RELCH: variants seen among roughly 807,000 people sequenced by gnomAD.
The protein encoded by RELCH is RAB11 binding and LisH domain, coiled-coil and HEAT repeat containing, also known as RAB11-binding protein RELCH.
RELCH carries 41 observed loss-of-function variants against 150.3 expected under a neutral mutation model. The ratio of observed to expected loss-of-function variants is 0.27; its 90% confidence interval spans 0.21 to 0.35. RELCH has a LOEUF of 0.35. Among genes scored for constraint, RELCH ranks in the 10% least tolerant of loss-of-function variants. The pLI, the probability that RELCH is intolerant of heterozygous loss-of-function variation, is 1.00. For missense variants in RELCH, 1,092 were observed against 1,467.8 expected, an observed-to-expected ratio of 0.74 and a Z score of 4.18; for synonymous variants, 478 against 531.8, an observed-to-expected ratio of 0.90 and a Z score of 1.39.
chr18:62,306,855 C>A lies in RELCH; in HGVS notation c.*1321C>A, dbSNP rs2045894304. 6.6e-6 allele frequency: 1 copy of A among 152,634 alleles called. No homozygotes were observed. The highest frequency in any genetic ancestry group is 2.4e-5 in the African/African-American group (1 of 41,448). The allele number at this position is 152,634 out of a possible 1,614,324, so 9.5% of individuals were successfully genotyped here. A position where few individuals can be genotyped will look rare whatever the true frequency, so the allele number is the denominator to read the frequency against. ...ATTTGTTGTATAAACTGGTTTAATA[C>A]ATTTGGAACATAGTTGGATTACATT... On this transcript the variant is annotated 3_prime_UTR_variant, in exon 29 of 29. Coordinates refer to ENST00000644646, the MANE Select transcript of RELCH (RefSeq NM_001346231.2).
At position 62,187,459 on chromosome 18, in the gene RELCH, C is replaced by T. The variant is rs1473225543; in HGVS notation, c.-47C>T. The T allele has an allele frequency of 1.3e-6, 2 of 1,485,236 alleles. No individual in the cohort carries two copies. The highest frequency in any genetic ancestry group is 2.3e-5 in the Admixed American group (1 of 42,810). 92.0% of individuals were successfully genotyped at this position (1,485,236 alleles called of 1,614,324 possible). ...GAGGCCTAGAGGATTCGGGCTGCGG[C>T]CCGTCGGAACCAGTCAGGGAGGCGC... On this transcript the variant is annotated 5_prime_UTR_variant, in exon 1 of 29. Coordinates refer to ENST00000644646, the MANE Select transcript of RELCH (RefSeq NM_001346231.2).
intron 20 of RELCH, among the ~76,000 whole-genome samples, chr18:62,271,437 TG>T (rs1480888198): frequency 6.8e-6 from 1 of 146,224 alleles, no homozygotes; most frequent in Admixed American, 6.6e-5. Flanking sequence ...TTGATGGGGT[TG>T]TTTTTTTCTT....
At position 62,307,419 on chromosome 18, in the gene RELCH, T is replaced by C. The variant is rs2045911819; in HGVS notation, c.*1885T>C. 1 of 152,146 alleles carries C rather than the reference T, an allele frequency of 6.6e-6. No individual in the cohort carries two copies. The highest frequency in any genetic ancestry group is 1.5e-5 in the Non-Finnish European group (1 of 68,000). 9.4% of individuals were successfully genotyped at this position (152,146 alleles called of 1,614,324 possible). A position where few individuals can be genotyped will look rare whatever the true frequency, so the allele number is the denominator to read the frequency against. ...GTAGAATGTATTTTTATTGTGAACA[T>C]TTTTCTTAATTAATGAATATATTTA... On this transcript the variant is annotated 3_prime_UTR_variant, in exon 29 of 29. Coordinates refer to ENST00000644646, the MANE Select transcript of RELCH (RefSeq NM_001346231.2).
At chr18:62,233,467 A>T (rs759974369) in intron 10 of RELCH, among the ~76,000 whole-genome samples, 5 of 152,002 alleles carry the variant, frequency 3.3e-5, no homozygotes, top group African/African-American at 4.8e-5. Flanking sequence ...TCAAGAAAAC[A>T]TGTAGAGCTT....
chr18:62,270,278 A>C (rs117509156), intron 20 of RELCH, among the ~76,000 whole-genome samples: 3 of 152,186 alleles, frequency 2.0e-5, no homozygotes, highest in Admixed American at 6.5e-5. Flanking sequence ...TCCCTTGCTA[A>C]ATAAGTCACA....
chr18:62,290,449 T>TGG (rs1448394530), intron 26 of RELCH, among the ~76,000 whole-genome samples: 7 of 152,184 alleles, frequency 4.6e-5, no homozygotes, highest in Non-Finnish European at 1.0e-4. Context: ...GAGAATCACT[T>TGG]GAACCCAGGA....
chr18:62,276,702 A>G (rs1342014963), intron 22 of RELCH, among the ~76,000 whole-genome samples: 2 of 152,114 alleles, frequency 1.3e-5, no homozygotes, highest in Non-Finnish European at 2.9e-5. Context: ...TCAAATACGT[A>G]AATTAGATTT....
chr18:62,280,543 G>C, intron 23 of RELCH, 103 bp from the exon 24 acceptor site: 1 of 1,280,988 alleles, frequency 7.8e-7, no homozygotes, highest in Non-Finnish European at 1.1e-6. Flanking sequence ...CATTGCTAGA[G>C]ACTAATACAG....
intron 1 of RELCH, among the ~76,000 whole-genome samples, chr18:62,203,846 TGGC>T (rs2039607379): frequency 6.6e-5 from 10 of 152,030 alleles, no homozygotes; most frequent in Admixed American, 6.6e-4. Flanking sequence ...TCAGCAATGG[TGGC>T]ACATCTCTAG....
chr18:62,211,409 C>A (rs1233742773), intron 2 of RELCH, among the ~76,000 whole-genome samples, 167 bp downstream of exon 2: 1 of 152,076 alleles, frequency 6.6e-6, no homozygotes, highest in Non-Finnish European at 1.5e-5. Context: ...TTGGGGGTTC[C>A]CCAACTTTTT....
Position 62,300,848 on chromosome 18 carries a change from T to C in RELCH, c.3530+1988T>C, listed in dbSNP as rs192363640. On this transcript the variant is annotated intron_variant, in intron 28 of 28. Coordinates refer to ENST00000644646, the MANE Select transcript of RELCH (RefSeq NM_001346231.2). ...TGTGTCAGAAAAGTTTGAAAAGCAC[T>C]GATCTGCAGGCAGAAAATGTATGCA... The C allele has an allele frequency of 3.7e-3, 560 of 152,372 alleles. 1 individual carries two copies. The highest frequency in any genetic ancestry group is 6.4e-3 in the Non-Finnish European group (437 of 68,036). The allele number at this position is 152,372 out of a possible 1,614,324, so 9.4% of individuals were successfully genotyped here.
intron 26 of RELCH, among the ~76,000 whole-genome samples, chr18:62,291,198 T>C (rs2045113046): frequency 6.6e-6 from 1 of 152,252 alleles, no homozygotes; most frequent in South Asian, 2.1e-4. Context: ...TTAGTTGTCA[T>C]GGAAAACTTA....
chr18:62,227,606 G>C lies in RELCH; in HGVS notation c.1071G>C (p.Met357Ile). 2 of 1,547,956 alleles carry C rather than the reference G, an allele frequency of 1.3e-6. No homozygotes were observed. The highest frequency in any genetic ancestry group is 2.2e-5 in the East Asian group (1 of 44,488). Reference protein sequence around the residue: ...LETPQPAENSMLVQKLEDKIS... With the variant: ...LETPQPAENSILVQKLEDKIS... ...TCCTGTTTTGATTTTAGAACTCCATGTTAGTACAGAAATTAGAAGATAAAA... is the reference window on the plus strand; with the variant it reads ...TCCTGTTTTGATTTTAGAACTCCATCTTAGTACAGAAATTAGAAGATAAAA... The change falls in exon 7 of 29, where the codon ATG becomes ATC. Residue 357 changes from methionine to isoleucine, a missense_variant. By Grantham distance (10) the Met-to-Ile change is conservative. Coordinates refer to ENST00000644646, the MANE Select transcript of RELCH (RefSeq NM_001346231.2).
chr18:62,298,736 C>T, intron 27 of RELCH, 54 bp from the exon 28 acceptor site: 1 of 819,832 alleles, frequency 1.2e-6, no homozygotes, highest in Non-Finnish European at 2.1e-6. Flanking sequence ...TAGATTAAAC[C>T]ATAGTATTTT....
intron 22 of RELCH, among the ~76,000 whole-genome samples, chr18:62,276,808 C>A (rs17718887): frequency 0.16 from 24,722 of 151,912 alleles, 2,703 homozygotes; most frequent in Middle Eastern, 0.28. Flanking sequence ...TTTAAAAAGC[C>A]GTAATCAGGT....
At chr18:62,212,016 T>C (rs2040202769) in intron 2 of RELCH, among the ~76,000 whole-genome samples, 1 of 152,188 alleles carries the variant, frequency 6.6e-6, no homozygotes, top group Non-Finnish European at 1.5e-5. Flanking sequence ...AATTGCTTGG[T>C]TGCTAATTTC....
intron 2 of RELCH, among the ~76,000 whole-genome samples, chr18:62,211,996 C>T (rs1417593096): frequency 1.3e-5 from 2 of 152,158 alleles, no homozygotes; most frequent in Non-Finnish European, 2.9e-5. Context: ...AGAAGGACAA[C>T]ATCCTTTTTA....
chr18:62,232,370 A>G lies in RELCH; in HGVS notation c.1563A>G (p.Leu521=), dbSNP rs2148437928. Reference sequence around the variant, plus strand: ...CAGACAGTGAAAAAAGCGTTATGTTAATGCTGGGACGCTGCCTGCCACACA... The same window carrying G: ...CAGACAGTGAAAAAAGCGTTATGTTGATGCTGGGACGCTGCCTGCCACACA... ...RIADSEKSVM[L]MLGRCLPHIV... Residue 521 remains leucine (L), a synonymous_variant, in exon 10 of 29, where the codon TTA becomes TTG. Coordinates refer to ENST00000644646, the MANE Select transcript of RELCH (RefSeq NM_001346231.2). 1 of 1,611,982 alleles carries G rather than the reference A, an allele frequency of 6.2e-7. No individual in the cohort carries two copies. The highest frequency in any genetic ancestry group is 8.5e-7 in the Non-Finnish European group (1 of 1,178,704).
intron 14 of RELCH, 97 bp from the exon 15 acceptor site, chr18:62,258,415 G>T (rs2043092033): frequency 9.1e-7 from 1 of 1,099,188 alleles, no homozygotes. Context: ...TTAAAAATAT[G>T]TTCTTAATTT....
Sources: allele counts gnomAD v4.1 joint callset (sites outside exome capture counted in the v4.1 genomes callset), GRCh38; gene constraint gnomAD v4.1.1; transcripts MANE v1.5; gene names NCBI Gene and HGNC (gene_info 2026-07-23, HGNC 2026-07-21).